Variants in SIPA1L1 observed in about 807,000 individuals in gnomAD.
The protein encoded by SIPA1L1 is signal induced proliferation associated 1 like 1.
In SIPA1L1, 26 loss-of-function variants were observed where a neutral mutation model predicts 162.7. The observed-to-expected ratio is 0.16, with a 90% CI of 0.12 to 0.22. SIPA1L1 has a LOEUF of 0.22. Ranked by LOEUF, SIPA1L1 falls within the 10% of genes least tolerant of loss-of-function variation. The probability of loss-of-function intolerance (pLI) is 1.00; values close to 1 mark genes in which losing one functional copy is unlikely to be tolerated. For synonymous variants in SIPA1L1, 829 were observed against 837.4 expected (o/e 0.99, Z 0.17); for missense variants, 1,874 against 2,241.0 (o/e 0.84, Z 3.31).
intron 22 of SIPA1L1, among the ~76,000 whole-genome samples, chr14:71,735,938 A>G (rs1424717552): frequency 6.6e-6 from 1 of 152,262 alleles, no homozygotes; most frequent in Non-Finnish European, 1.5e-5. Flanking sequence ...CTATTTATGC[A>G]GAGACCGACT....
At chr14:71,631,789 A>T (rs1346447076) in intron 7 of SIPA1L1, among the ~76,000 whole-genome samples, 1 of 152,136 alleles carries the variant, frequency 6.6e-6, no homozygotes, top group African/African-American at 2.4e-5. Context: ...AGTAATTCCC[A>T]ATGAGGATAT....
chr14:71,477,701 G>C (rs914313622), intron 2 of SIPA1L1, among the ~76,000 whole-genome samples: 1 of 151,946 alleles, frequency 6.6e-6, no homozygotes, highest in Non-Finnish European at 1.5e-5. Context: ...CCTTTTAATA[G>C]CTGAGTAGAT....
At chr14:71,509,328 A>G (rs1392365742) in intron 2 of SIPA1L1, among the ~76,000 whole-genome samples, 1 of 152,220 alleles carries the variant, frequency 6.6e-6, no homozygotes, top group African/African-American at 2.4e-5. Flanking sequence ...TCTTTCAACA[A>G]ATTTGAACAT....
chr14:71,491,095 A>T (rs2049209634), intron 2 of SIPA1L1, among the ~76,000 whole-genome samples: 1 of 152,192 alleles, frequency 6.6e-6, no homozygotes, highest in African/African-American at 2.4e-5. Flanking sequence ...GTCGATATTT[A>T]AAAATAAAAA....
intron 2 of SIPA1L1, among the ~76,000 whole-genome samples, chr14:71,368,160 C>CTTT (rs957469281): frequency 3.0e-5 from 3 of 100,886 alleles, no homozygotes; most frequent in African/African-American, 7.4e-5. Flanking sequence ...TTTTTTCTTT[C>CTTT]TTTTTTTTTT....
At chr14:71,694,281 T>A (rs2081462796) in intron 13 of SIPA1L1, among the ~76,000 whole-genome samples, 1 of 152,150 alleles carries the variant, frequency 6.6e-6, no homozygotes, top group Non-Finnish European at 1.5e-5. Context: ...TAGCCTGGTG[T>A]GCGACTGCTT....
intron 2 of SIPA1L1, among the ~76,000 whole-genome samples, chr14:71,492,323 A>G (rs1172176328): frequency 3.3e-5 from 5 of 152,140 alleles, no homozygotes; most frequent in East Asian, 3.9e-4. Flanking sequence ...TCTTCAATAT[A>G]GCCGTGTTTT....
intron 3 of SIPA1L1, among the ~76,000 whole-genome samples, chr14:71,517,961 G>GT (rs1437843374): frequency 3.9e-5 from 6 of 152,060 alleles, no homozygotes; most frequent in African/African-American, 1.4e-4. Context: ...ATGAACAGAA[G>GT]TTTTTTATTT....
At chr14:71,432,941 A>G (rs1567017009) in intron 2 of SIPA1L1, among the ~76,000 whole-genome samples, 3 of 152,228 alleles carry the variant, frequency 2.0e-5, no homozygotes, top group East Asian at 1.9e-4. Context: ...TCCACTGAAC[A>G]TGCACAAATG....
intron 19 of SIPA1L1, among the ~76,000 whole-genome samples, chr14:71,726,039 C>T (rs560326374): frequency 1.2e-4 from 19 of 152,206 alleles, no homozygotes; most frequent in Non-Finnish European, 2.1e-4. Flanking sequence ...CGTGTGTGTG[C>T]GTGTGCATGC....
chr14:71,527,679 C>A (rs2053020313), intron 3 of SIPA1L1, among the ~76,000 whole-genome samples: 1 of 152,064 alleles, frequency 6.6e-6, no homozygotes, highest in Non-Finnish European at 1.5e-5. Flanking sequence ...ATGGCTGAAT[C>A]TCACACACAC....
At chr14:71,328,695 G>A (rs2034130316) in intron 2 of SIPA1L1, among the ~76,000 whole-genome samples, 1 of 152,164 alleles carries the variant, frequency 6.6e-6, no homozygotes. Flanking sequence ...ACAGTTTAAA[G>A]GGTCAGACTG....
At chr14:71,586,086 A>G (rs977921400) in intron 4 of SIPA1L1, among the ~76,000 whole-genome samples, 2 of 152,196 alleles carry the variant, frequency 1.3e-5, no homozygotes, top group African/African-American at 4.8e-5. Flanking sequence ...AGCAGTGCAA[A>G]ACTATTATCC....
At chr14:71,521,769 C>G (rs2052380330) in intron 3 of SIPA1L1, among the ~76,000 whole-genome samples, 1 of 152,198 alleles carries the variant, frequency 6.6e-6, no homozygotes, top group Non-Finnish European at 1.5e-5. Context: ...TCAGTTAACA[C>G]TGCTACCAAA....
At chr14:71,625,905 G>GT (rs2039932107) in intron 7 of SIPA1L1, among the ~76,000 whole-genome samples, 1 of 152,126 alleles carries the variant, frequency 6.6e-6, no homozygotes, top group African/African-American at 2.4e-5. Context: ...TCTACTTGTA[G>GT]ACATTATGGG....
chr14:71,674,784 T>C (rs970572904), intron 12 of SIPA1L1, among the ~76,000 whole-genome samples: 3 of 151,668 alleles, frequency 2.0e-5, no homozygotes, highest in Non-Finnish European at 3.0e-5. Flanking sequence ...CGGGATGGTC[T>C]CGATCTCCTG....
At chr14:71,466,819 T>G (rs904769586) in intron 2 of SIPA1L1, among the ~76,000 whole-genome samples, 1 of 152,232 alleles carries the variant, frequency 6.6e-6, no homozygotes, top group East Asian at 1.9e-4. Context: ...TATTTTTTAT[T>G]GTGCACAGAA....
chr14:71,685,824 C>A (rs184506853), intron 13 of SIPA1L1, among the ~76,000 whole-genome samples, 193 bp downstream of exon 13: 6 of 152,328 alleles, frequency 3.9e-5, no homozygotes, highest in Admixed American at 3.3e-4. Flanking sequence ...TTGATTCTAG[C>A]AAAGCCTTCA....
At chr14:71,657,559 GT>G (rs143039777) in intron 8 of SIPA1L1, among the ~76,000 whole-genome samples, 15 of 148,844 alleles carry the variant, frequency 1.0e-4, no homozygotes, top group East Asian at 5.9e-4. Context: ...GGCAGTAGAG[GT>G]TTTTTTTTTC....
Sources: gnomAD v4.1 joint callset for allele counts (sites outside exome capture counted in the v4.1 genomes callset) on GRCh38, gnomAD v4.1.1 for gene constraint, MANE v1.5 for transcripts, NCBI Gene and HGNC (gene_info 2026-07-23, HGNC 2026-07-21) for gene names.